The following UNC5D variants were observed in gnomAD, a reference collection of about 807,000 sequenced individuals.
UNC5D encodes the protein netrin receptor UNC5D.
Under a neutral mutation model 105.4 loss-of-function variants are expected in UNC5D, and 39 were observed. The observed-to-expected ratio is 0.37, with a 90% CI of 0.29 to 0.48. UNC5D has a LOEUF of 0.48. UNC5D is among the 20% of genes least tolerant of loss of function. The pLI, the probability that UNC5D is intolerant of heterozygous loss-of-function variation, is 0.98. For missense variants in UNC5D, 991 were observed against 1,202.4 expected, an observed-to-expected ratio of 0.82 and a Z score of 2.60; for synonymous variants, 452 against 450.4, an observed-to-expected ratio of 1.00 and a Z score of -0.04.
At chr8:35,362,301 A>C (rs542322920) in intron 1 of UNC5D, among the ~76,000 whole-genome samples, 1 of 152,352 alleles carries the variant, frequency 6.6e-6, no homozygotes, top group African/African-American at 2.4e-5. Context: ...CTCTTTAAGT[A>C]AATGGATTTT....
chr8:35,681,003 A>G (rs149491506), intron 4 of UNC5D, among the ~76,000 whole-genome samples: 109 of 152,324 alleles, frequency 7.2e-4, no homozygotes, highest in Non-Finnish European at 1.3e-3. Context: ...AAGTTCCCAG[A>G]CATGCTTTCA....
chr8:35,746,060 T>C (rs1487208166), intron 11 of UNC5D, among the ~76,000 whole-genome samples: 2 of 152,106 alleles, frequency 1.3e-5, no homozygotes, highest in South Asian at 2.1e-4. Context: ...GTTTCCATGA[T>C]TACCCCTGGA....
intron 1 of UNC5D, among the ~76,000 whole-genome samples, chr8:35,376,651 T>C (rs1310009021): frequency 6.6e-6 from 1 of 152,176 alleles, no homozygotes; most frequent in African/African-American, 2.4e-5. Flanking sequence ...CCTTTCATAC[T>C]CCTTGGATGT....
intron 1 of UNC5D, among the ~76,000 whole-genome samples, chr8:35,324,526 T>G (rs1227449503): frequency 6.6e-6 from 1 of 152,180 alleles, no homozygotes; most frequent in Admixed American, 6.5e-5. Flanking sequence ...AGATTTTACA[T>G]TTTTTATTGT....
At chr8:35,681,848 G>T (rs1224770701) in intron 4 of UNC5D, among the ~76,000 whole-genome samples, 1 of 152,110 alleles carries the variant, frequency 6.6e-6, no homozygotes, top group African/African-American at 2.4e-5. Flanking sequence ...TCATTCATGG[G>T]GTGGTACTTG....
chr8:35,611,167 T>G (rs1212481949), intron 4 of UNC5D, among the ~76,000 whole-genome samples: 1 of 152,300 alleles, frequency 6.6e-6, no homozygotes. Context: ...CCTCATTATG[T>G]TTGGGGAACC....
At chr8:35,439,683 T>C (rs1397671527) in intron 1 of UNC5D, among the ~76,000 whole-genome samples, 4 of 152,004 alleles carry the variant, frequency 2.6e-5, no homozygotes, top group South Asian at 4.1e-4. Context: ...AAGAAGGGTG[T>C]CATCTTCTAA....
At chr8:35,508,913 G>T (rs948731537) in intron 1 of UNC5D, among the ~76,000 whole-genome samples, 5 of 152,194 alleles carry the variant, frequency 3.3e-5, no homozygotes, top group Non-Finnish European at 7.3e-5. Context: ...CATGCCTCAG[G>T]TTTGATTTAG....
At chr8:35,448,547 C>A (rs1303803660) in intron 1 of UNC5D, among the ~76,000 whole-genome samples, 1 of 152,062 alleles carries the variant, frequency 6.6e-6, no homozygotes, top group Admixed American at 6.6e-5. Flanking sequence ...TATTCAAATT[C>A]TTGACCCTAA....
intron 4 of UNC5D, among the ~76,000 whole-genome samples, chr8:35,668,471 GTCTT>G (rs1396505410): frequency 6.6e-6 from 1 of 151,992 alleles, no homozygotes; most frequent in African/African-American, 2.4e-5. Flanking sequence ...TTAATAGTCA[GTCTT>G]TATGGCTTCT....
At chr8:35,278,203 G>A (rs192424172) in intron 1 of UNC5D, among the ~76,000 whole-genome samples, 9 of 152,186 alleles carry the variant, frequency 5.9e-5, no homozygotes, top group African/African-American at 1.7e-4. Context: ...CTGCTGTGCC[G>A]CCCAGATGCA....
intron 1 of UNC5D, among the ~76,000 whole-genome samples, chr8:35,263,326 C>T (rs770499872): frequency 3.6e-4 from 55 of 152,234 alleles, no homozygotes; most frequent in African/African-American, 1.3e-3. Context: ...TGTCCATTTG[C>T]GCTAAATTTT....
intron 1 of UNC5D, among the ~76,000 whole-genome samples, chr8:35,409,303 G>A: frequency 6.6e-6 from 1 of 151,906 alleles, no homozygotes; most frequent in East Asian, 1.9e-4. Flanking sequence ...AAGAAATTTA[G>A]CAACTCTCTC....
chr8:35,247,165 G>C (rs1400571112), intron 1 of UNC5D, among the ~76,000 whole-genome samples: 3 of 151,862 alleles, frequency 2.0e-5, no homozygotes, highest in Non-Finnish European at 2.9e-5. Flanking sequence ...GAATTCAAAA[G>C]AATGATACCA....
rs368598790 is a variant in UNC5D at position 35,706,623 on chromosome 8, T to C, written c.1117+662T>C. On this transcript the variant is annotated intron_variant, in intron 8 of 16. Coordinates refer to ENST00000404895, the MANE Select transcript of UNC5D (RefSeq NM_080872.4). ...CAATTTCCAGGCTGTATCAAGGCTATTGGAATTTAAGGTGGAGGGTTTTCA... is the reference window on the plus strand; with the variant it reads ...CAATTTCCAGGCTGTATCAAGGCTACTGGAATTTAAGGTGGAGGGTTTTCA... 3.9e-5 allele frequency among the ~76,000 whole-genome samples: 6 copies of C among 152,234 alleles called. 1 individual carries two copies. The East Asian group carries it at 1.2e-3, about 29-fold the overall frequency.
intron 4 of UNC5D, among the ~76,000 whole-genome samples, chr8:35,653,007 G>A (rs1823523862): frequency 7.6e-6 from 1 of 131,782 alleles, no homozygotes; most frequent in African/African-American, 3.0e-5. Flanking sequence ...TTGGCTTACT[G>A]CAACCTCCGC....
chr8:35,482,921 GC>G (rs1810577647), intron 1 of UNC5D, among the ~76,000 whole-genome samples: 3 of 148,982 alleles, frequency 2.0e-5, no homozygotes, highest in Non-Finnish European at 3.0e-5. Context: ...TCCTGCCGTG[GC>G]CCCCCGAGTA....
At chr8:35,275,563 G>T (rs540118113) in intron 1 of UNC5D, among the ~76,000 whole-genome samples, 17 of 152,154 alleles carry the variant, frequency 1.1e-4, no homozygotes, top group Non-Finnish European at 2.5e-4. Flanking sequence ...GCTCCATGAA[G>T]TTATGCTTAT....
chr8:35,579,246 A>G (rs1818315145), intron 3 of UNC5D, among the ~76,000 whole-genome samples: 1 of 152,188 alleles, frequency 6.6e-6, no homozygotes, highest in South Asian at 2.1e-4. Flanking sequence ...TCCTTCCACC[A>G]GCTAAGTAAG....
Sources: gnomAD v4.1 joint callset for allele counts (sites outside exome capture counted in the v4.1 genomes callset) on GRCh38, gnomAD v4.1.1 for gene constraint, MANE v1.5 for transcripts, NCBI Gene and HGNC (gene_info 2026-07-23, HGNC 2026-07-21) for gene names.